DZIP1L: variants seen among roughly 807,000 people sequenced by gnomAD.
DZIP1L encodes the protein DAZ interacting zinc finger protein 1 like, also known as cilium assembly protein DZIP1L.
DZIP1L carries 90 observed loss-of-function variants against 88.7 expected under a neutral mutation model. The observed-to-expected ratio is 1.02, with a 90% CI of 0.86 to 1.21. The LOEUF (loss-of-function observed/expected upper bound fraction) is 1.21. DZIP1L is among the 50% of genes most tolerant of loss of function. The probability of loss-of-function intolerance (pLI) is 0.00; values close to 1 mark genes in which losing one functional copy is unlikely to be tolerated. For missense variants in DZIP1L, 932 were observed against 955.8 expected (o/e 0.98, Z 0.33); for synonymous variants, 363 against 372.1 (o/e 0.98, Z 0.28).
At chr3:138,065,728 A>C (rs1413341633) in intron 14 of DZIP1L, among the ~76,000 whole-genome samples, 2 of 152,256 alleles carry the variant, frequency 1.3e-5, no homozygotes, top group Non-Finnish European at 2.9e-5. Context: ...CCGCAAGCCT[A>C]GCCTGACATC....
At chr3:138,102,368 G>A (rs1272123248) in intron 2 of DZIP1L, 1 of 1,184,278 alleles carries the variant, frequency 8.4e-7, no homozygotes, top group Non-Finnish European at 1.3e-6. Context: ...TATGCTTATT[G>A]ATCTCATCCT....
At chr3:138,064,275 G>T in intron 15 of DZIP1L, 1 of 968,792 alleles carries the variant, frequency 1.0e-6, no homozygotes, top group Non-Finnish European at 1.4e-6. Flanking sequence ...GTGAGGGACT[G>T]GGGAGGAGCC....
intron 2 of DZIP1L, chr3:138,101,370 G>C: frequency 1.5e-6 from 1 of 657,404 alleles, no homozygotes; most frequent in Non-Finnish European, 2.7e-6. Context: ...CTAGGGCTGA[G>C]CCTCAGGTGG....
At chr3:138,071,916 C>T in intron 11 of DZIP1L, 81 bp from the exon 12 acceptor site, 1 of 1,376,114 alleles carries the variant, frequency 7.3e-7, no homozygotes, top group Non-Finnish European at 9.8e-7. Flanking sequence ...CCTGCTGCTG[C>T]TGGCCTGGGA....
rs148531814 is a variant in DZIP1L at position 138,081,423 on chromosome 3, C to T, written c.1234+311G>A. On this transcript the variant is annotated intron_variant, in intron 9 of 15. Coordinates refer to ENST00000327532, the MANE Select transcript of DZIP1L (RefSeq NM_173543.3). Reference sequence around the variant, plus strand: ...ACCCTGAATCCTGATTTTACTCATTCGCTGCAGGCATGGTGAATTAGAAAA... The same window carrying T: ...ACCCTGAATCCTGATTTTACTCATTTGCTGCAGGCATGGTGAATTAGAAAA... 3.0e-3 allele frequency among the ~76,000 whole-genome samples: 460 copies of T among 152,270 alleles called. 2 individuals are homozygous for T. Among genetic ancestry groups the T allele is most frequent in the Non-Finnish European group, 3.4e-3 (234 of 68,010 alleles).
chr3:138,111,969 T>C lies in DZIP1L; in HGVS notation c.-82+3359A>G, dbSNP rs1301999052. 4.0e-5 allele frequency among the ~76,000 whole-genome samples: 6 copies of C among 149,060 alleles called. No individual in the cohort carries two copies. In the Middle Eastern group the frequency reaches 0.01, roughly 257 times the overall value. On this transcript the variant is annotated intron_variant, in intron 1 of 15. Transcript: ENST00000327532. ...GTGAGCAGAGACTGTGCCATTGCAC[T>C]CCAGCCTGGGCAACAAGAATGAAAT...
chr3:138,092,026 A>G (rs1944259069), intron 5 of DZIP1L, among the ~76,000 whole-genome samples: 1 of 152,204 alleles, frequency 6.6e-6, no homozygotes, highest in East Asian at 1.9e-4. Flanking sequence ...AATAAGAATA[A>G]TACCTGGAGA....
chr3:138,073,464 AAC>A (rs1241988273), intron 11 of DZIP1L, among the ~76,000 whole-genome samples: 3 of 152,060 alleles, frequency 2.0e-5, no homozygotes, highest in Non-Finnish European at 4.4e-5. Context: ...GAAGATCAAA[AAC>A]AATCACTACA....
Position 138,063,344 on chromosome 3 carries a change from C to T in DZIP1L, c.2143-367G>A, listed in dbSNP as rs1014495493. Among the ~76,000 whole-genome samples, 6 of 152,210 alleles carry T rather than the reference C, an allele frequency of 3.9e-5. No individual in the cohort carries two copies. The highest frequency in any genetic ancestry group is 1.3e-4 in the Admixed American group (2 of 15,276). ...CCCAGAAACTCGACTGTTCCAAGTT[C>T]GCGAGCTGAATGCACTGTGGGCTAA... On this transcript the variant is annotated intron_variant, in intron 15 of 15. Transcript: ENST00000327532. This position sits in a 1 kb window ranked among gnomAD's most constrained non-coding sequence, Gnocchi z 4.1.
intron 2 of DZIP1L, among the ~76,000 whole-genome samples, chr3:138,101,176 C>T (rs560174418): frequency 1.3e-5 from 2 of 152,092 alleles, no homozygotes; most frequent in Admixed American, 6.5e-5. Context: ...CAAACACACA[C>T]TCTTACACAC....
At chr3:138,109,048 C>T (rs2042571621) in intron 1 of DZIP1L, among the ~76,000 whole-genome samples, 1 of 152,172 alleles carries the variant, frequency 6.6e-6, no homozygotes, top group Admixed American at 6.5e-5. Context: ...AGGTGGGAAA[C>T]CACTATTGAG....
At chr3:138,068,861 C>G (rs904728561) in intron 12 of DZIP1L, 11 of 1,197,610 alleles carry the variant, frequency 9.2e-6, no homozygotes, top group African/African-American at 1.6e-5. Flanking sequence ...CAATTGGACA[C>G]AGCCCCTCTG....
intron 10 of DZIP1L, among the ~76,000 whole-genome samples, chr3:138,078,651 A>G (rs1456578339): frequency 6.6e-6 from 1 of 152,162 alleles, no homozygotes; most frequent in Non-Finnish European, 1.5e-5. Context: ...CTCCAAATCT[A>G]CTGCATCAAA....
At chr3:138,080,534 A>G in intron 10 of DZIP1L, 33 bp downstream of exon 10, 3 of 1,612,128 alleles carry the variant, frequency 1.9e-6, no homozygotes, top group Non-Finnish European at 2.5e-6. Flanking sequence ...CTGTTTCTGC[A>G]CTGGACACCC....
Position 138,088,494 on chromosome 3 carries a change from A to G in DZIP1L, c.884T>C (p.Leu295Pro). 1 of 1,613,296 alleles carries G rather than the reference A, an allele frequency of 6.2e-7. No individual in the cohort carries two copies. Among genetic ancestry groups the G allele is most frequent in the South Asian group, 1.1e-5 (1 of 90,910 alleles). ...GGACTCCATCACACTGTGGGACTGCAGTGCCCGCAGTTTCTGAAAAGGCCA... is the reference window on the plus strand; with the variant it reads ...GGACTCCATCACACTGTGGGACTGCGGTGCCCGCAGTTTCTGAAAAGGCCA... Reference protein sequence around the residue: ...NSTLEEKLRALQSHSVMESKL... With the variant: ...NSTLEEKLRAPQSHSVMESKL... Residue 295 changes from leucine to proline, a missense_variant, in exon 6 of 16, where the codon CTG becomes CCG. Coordinates refer to ENST00000327532, the MANE Select transcript of DZIP1L (RefSeq NM_173543.3).
rs1019987900 is a variant in DZIP1L, at chr3:138,062,107, C to T, written c.*709G>A. 2.0e-5 allele frequency: 3 copies of T among 152,596 alleles called. No individual in the cohort carries two copies. The highest frequency in any genetic ancestry group is 1.3e-4 in the Admixed American group (2 of 15,276). 9.5% of individuals were successfully genotyped at this position (152,596 alleles called of 1,614,324 possible). The stretch of plus-strand genomic sequence containing the variant: ...TTTGGAAATAATATCAAAAATTACA[C>T]GTGTGGTCCTTTGGGGATACAAGGT... On this transcript the variant is annotated 3_prime_UTR_variant, in exon 16 of 16. Coordinates refer to ENST00000327532, the MANE Select transcript of DZIP1L (RefSeq NM_173543.3).
intron 10 of DZIP1L, 126 bp downstream of exon 10, chr3:138,080,441 G>C: frequency 1.1e-6 from 1 of 943,882 alleles, no homozygotes; most frequent in Non-Finnish European, 1.6e-6. Flanking sequence ...ATTATTTCAT[G>C]TCCTTAGATC....
rs1218878589 is a variant in DZIP1L, at chr3:138,063,100, A to G, written c.2143-123T>C. The G allele has an allele frequency of 1.9e-6, 2 of 1,063,516 alleles. No homozygotes were observed. The highest frequency in any genetic ancestry group is 1.6e-5 in the African/African-American group (1 of 63,714). 65.9% of individuals were successfully genotyped at this position (1,063,516 alleles called of 1,614,324 possible). A position where few individuals can be genotyped will look rare whatever the true frequency, so the allele number is the denominator to read the frequency against. ...GGGGACAAATGCAGACTGGGAAGAAAGCAATAGGGAGATGCTACTCCTCCT... is the reference window on the plus strand; with the variant it reads ...GGGGACAAATGCAGACTGGGAAGAAGGCAATAGGGAGATGCTACTCCTCCT... On this transcript the variant is annotated intron_variant, in intron 15 of 15. Transcript: ENST00000327532. This position sits in a 1 kb window ranked among gnomAD's most constrained non-coding sequence, Gnocchi z 4.1.
In DZIP1L at chr3:138,097,088, C is replaced by T. The variant is rs541910671; in HGVS notation, c.586+675G>A. 6.5e-4 allele frequency among the ~76,000 whole-genome samples: 98 copies of T among 151,006 alleles called. 1 individual carries two copies. The highest frequency in any genetic ancestry group is 2.6e-3 in the Admixed American group (40 of 15,108). ...CCCAGCTACTCAGGAGGCTGAGGTA[C>T]GGGGATTGCTTGAGCCCAGGAGGTG... is the stretch of plus-strand genomic sequence containing the variant. On this transcript the variant is annotated intron_variant, in intron 3 of 15. Coordinates refer to ENST00000327532, the MANE Select transcript of DZIP1L (RefSeq NM_173543.3).
Sources: gnomAD v4.1 joint callset for allele counts (sites outside exome capture counted in the v4.1 genomes callset) on GRCh38, gnomAD v4.1.1 for gene constraint, Gnocchi (gnomAD v3.1) non-coding constraint, MANE v1.5 for transcripts, NCBI Gene and HGNC (gene_info 2026-07-23, HGNC 2026-07-21) for gene names.